Variants in GRIN2A observed in about 807,000 individuals in gnomAD.
GRIN2A encodes the protein glutamate receptor ionotropic, NMDA 2A.
In GRIN2A, 22 loss-of-function variants were observed where a neutral mutation model predicts 113.4. The ratio of observed to expected loss-of-function variants is 0.19; its 90% CI spans 0.14 to 0.28. GRIN2A has a LOEUF of 0.28. GRIN2A is among the 10% of genes least tolerant of loss of function. GRIN2A has a pLI of 1.00. For missense variants in GRIN2A, 1,502 were observed against 1,887.0 expected, an observed-to-expected ratio of 0.80 and a Z score of 3.78; for synonymous variants, 827 against 738.4, an observed-to-expected ratio of 1.12 and a Z score of -1.94.
At chr16:10,074,338 A>C (rs2047825513) in intron 2 of GRIN2A, among the ~76,000 whole-genome samples, 1 of 152,240 alleles carries the variant, frequency 6.6e-6, no homozygotes, top group African/African-American at 2.4e-5. Flanking sequence ...AAAGCTACAC[A>C]TAGAACTCCT....
chr16:10,171,461 C>G (rs2058663210), intron 2 of GRIN2A: 1 of 152,228 alleles, frequency 6.6e-6, no homozygotes, highest in African/African-American at 2.4e-5. Context: ...AGATAGTCTT[C>G]TCCTGCGATC....
At chr16:10,029,346 C>G (rs1335921083) in intron 2 of GRIN2A, among the ~76,000 whole-genome samples, 1 of 152,142 alleles carries the variant, frequency 6.6e-6, no homozygotes, top group Non-Finnish European at 1.5e-5. Flanking sequence ...AGGCATGCAC[C>G]ACCCACACGT....
intron 9 of GRIN2A, among the ~76,000 whole-genome samples, chr16:9,824,596 T>A (rs1207316743): frequency 1.3e-5 from 2 of 152,182 alleles, no homozygotes; most frequent in East Asian, 3.9e-4. Context: ...CTGGCCTGGA[T>A]AGTACCATCA....
rs3765648 is a variant in GRIN2A at position 9,810,027 on chromosome 16, C to T, written c.2169-11563G>A. On this transcript the variant is annotated intron_variant, in intron 10 of 12. Transcript: ENST00000330684. Reference sequence around the variant, plus strand: ...AGGTTGCAGTGGGCCGAGATCGCGCCGTTGCACTCCAGCCTGGGTGAATGA... The same window carrying T: ...AGGTTGCAGTGGGCCGAGATCGCGCTGTTGCACTCCAGCCTGGGTGAATGA... Among the ~76,000 whole-genome samples, 696 of 152,204 alleles carry T rather than the reference C, an allele frequency of 4.6e-3. 42 individuals are homozygous for T. In the East Asian group the frequency reaches 0.11, roughly 25 times the overall value.
chr16:9,785,541 T>C (rs899819297), intron 11 of GRIN2A, among the ~76,000 whole-genome samples: 2 of 152,038 alleles, frequency 1.3e-5, no homozygotes, highest in African/African-American at 4.8e-5. Context: ...TACACATATG[T>C]AATAAACCTG....
rs562357337 is a variant in GRIN2A at position 9,827,846 on chromosome 16, A to G, written c.2007+1577T>C. Among the ~76,000 whole-genome samples the G allele has an allele frequency of 2.0e-5, 3 of 152,342 alleles. No homozygotes were observed. The South Asian group carries it at 6.2e-4, about 32-fold the overall frequency. ...CACCTCCAAAGTGCAAAATAACTCT[A>G]TCAAAACTACATCCCTGAGGGCCTC... is the stretch of plus-strand genomic sequence containing the variant. On this transcript the variant is annotated intron_variant, in intron 9 of 12. Coordinates refer to ENST00000330684, the MANE Select transcript of GRIN2A (RefSeq NM_001134407.3).
At chr16:10,045,061 A>G (rs1262877080) in intron 2 of GRIN2A, among the ~76,000 whole-genome samples, 1 of 152,182 alleles carries the variant, frequency 6.6e-6, no homozygotes, top group Non-Finnish European at 1.5e-5. Context: ...TGTTCAAAAT[A>G]TTCTTTTGAA....
chr16:10,087,067 G>T (rs1050623687), intron 2 of GRIN2A, among the ~76,000 whole-genome samples: 2 of 152,340 alleles, frequency 1.3e-5, no homozygotes, highest in Admixed American at 6.5e-5. Flanking sequence ...GGAAGTCGAT[G>T]AATGCAGTGG....
chr16:9,829,672 C>A lies in GRIN2A; in HGVS notation c.1778-20G>T. On this transcript the variant is annotated intron_variant, in intron 8 of 12. Coordinates refer to ENST00000330684, the MANE Select transcript of GRIN2A (RefSeq NM_001134407.3). ...GGGGTGCTGCAGAAGATGAAAAGGA[C>A]ATTCTCAGCATTTTCTGAAAAAAAT... The A allele has an allele frequency of 6.4e-7, 1 of 1,558,668 alleles. No homozygotes were observed. The highest frequency in any genetic ancestry group is 8.9e-7 in the Non-Finnish European group (1 of 1,129,690).
intron 2 of GRIN2A, among the ~76,000 whole-genome samples, chr16:10,114,560 C>T (rs769504792): frequency 5.3e-5 from 8 of 152,258 alleles, no homozygotes; most frequent in East Asian, 1.9e-4. Flanking sequence ...CCGCAGGCAC[C>T]GGTCCCAGCG....
intron 2 of GRIN2A, among the ~76,000 whole-genome samples, chr16:10,164,634 TGAA>T (rs2049873870): frequency 6.6e-6 from 1 of 152,230 alleles, no homozygotes; most frequent in Non-Finnish European, 1.5e-5. Flanking sequence ...TGCCTGGTGA[TGAA>T]GAATGAATAA....
chr16:10,157,660 A>G (rs2049726584), intron 2 of GRIN2A, among the ~76,000 whole-genome samples: 1 of 152,138 alleles, frequency 6.6e-6, no homozygotes, highest in African/African-American at 2.4e-5. Flanking sequence ...ATCTCATGAG[A>G]ATTCACTCAC....
rs182353510 is a variant in GRIN2A at position 9,784,425 on chromosome 16, T to C, written c.2356+13852A>G. Among the ~76,000 whole-genome samples, 5 of 117,128 alleles carry C rather than the reference T, an allele frequency of 4.3e-5. No individual in the cohort carries two copies. The East Asian group carries it at 9.4e-4, about 22-fold the overall frequency. 76.8% of individuals were successfully genotyped at this position (117,128 alleles called of 152,430 possible). A position where few individuals can be genotyped will look rare whatever the true frequency, so the allele number is the denominator to read the frequency against. ...AGCCTGGGCTACAAGAGCAAAACTC[T>C]AACAACAACAACAACCAAAAAAAAA... On this transcript the variant is annotated intron_variant, in intron 11 of 12. Coordinates refer to ENST00000330684, the MANE Select transcript of GRIN2A (RefSeq NM_001134407.3).
chr16:9,916,405 AC>A (rs1278158791), intron 3 of GRIN2A, among the ~76,000 whole-genome samples: 2 of 152,206 alleles, frequency 1.3e-5, no homozygotes, highest in East Asian at 3.9e-4. Flanking sequence ...AGCTTTTCAT[AC>A]ACCCTGAATC....
chr16:10,137,076 C>G (rs138296967), intron 2 of GRIN2A, among the ~76,000 whole-genome samples: 273 of 152,290 alleles, frequency 1.8e-3, no homozygotes, highest in African/African-American at 6.4e-3. Context: ...ATCCACAAAT[C>G]CCTACCGTTG....
rs377031632 is a variant in GRIN2A at position 10,126,164 on chromosome 16, TA to T, written c.414+53833del. On this transcript the variant is annotated intron_variant, in intron 2 of 12. Transcript: ENST00000330684. ...GTGAGTTGATGGATTTCTTTATATA[TA>T]TATATATTTTTTTTTGAGATAGGAT... Among the ~76,000 whole-genome samples the T allele has an allele frequency of 5.6e-3, 510 of 91,450 alleles. 1 individual carries two copies. The highest frequency in any genetic ancestry group is 0.018 in the Middle Eastern group (3 of 168). 60.0% of individuals were successfully genotyped at this position (91,450 alleles called of 152,430 possible).
intron 4 of GRIN2A, among the ~76,000 whole-genome samples, chr16:9,888,889 T>C (rs1182139028): frequency 6.6e-6 from 1 of 152,132 alleles, no homozygotes; most frequent in East Asian, 1.9e-4. Context: ...ACTCTGTTAA[T>C]GTGGTAAATT....
intron 11 of GRIN2A, among the ~76,000 whole-genome samples, chr16:9,781,417 G>A (rs908093059): frequency 2.0e-5 from 3 of 152,110 alleles, no homozygotes; most frequent in African/African-American, 7.2e-5. Context: ...CTGGAGTGCA[G>A]TGGAAGGAAC....
At chr16:10,094,769 G>A (rs2048253855) in intron 2 of GRIN2A, among the ~76,000 whole-genome samples, 1 of 151,656 alleles carries the variant, frequency 6.6e-6, no homozygotes, top group South Asian at 2.1e-4. Context: ...TTTTTTAAAA[G>A]AGGAACCCAG....
Sources: gnomAD v4.1 joint callset for allele counts (sites outside exome capture counted in the v4.1 genomes callset) on GRCh38, gnomAD v4.1.1 for gene constraint, MANE v1.5 for transcripts, NCBI Gene and HGNC (gene_info 2026-07-23, HGNC 2026-07-21) for gene names.